The following CNTN1 variants were observed in gnomAD, a reference collection of about 807,000 sequenced individuals.
CNTN1 encodes contactin-1.
Under a neutral mutation model 126.4 loss-of-function variants are expected in CNTN1, and 38 were observed. That is an observed-to-expected ratio of 0.30 (90% CI 0.23 to 0.39). The LOEUF (loss-of-function observed/expected upper bound fraction) is 0.39. CNTN1 is among the 10% of genes least tolerant of loss of function. CNTN1 has a pLI of 1.00. For missense variants in CNTN1, 1,009 were observed against 1,248.4 expected (o/e 0.81, Z 2.89); for synonymous variants, 413 against 422.6 (o/e 0.98, Z 0.28).
intron 1 of CNTN1, among the ~76,000 whole-genome samples, chr12:40,743,310 A>G (rs998559359): frequency 1.3e-5 from 2 of 151,988 alleles, no homozygotes; most frequent in African/African-American, 4.8e-5. Context: ...TTGTGATGCT[A>G]TTGAGTTTGA....
Position 40,871,186 on chromosome 12 carries a change from GAAAA to G in CNTN1, c.-76-37146_-76-37143del, listed in dbSNP as rs201485882. Among the ~76,000 whole-genome samples, 3 of 113,554 alleles carry G rather than the reference GAAAA, an allele frequency of 2.6e-5. No individual in the cohort carries two copies. The East Asian group carries it at 1.2e-3, about 45-fold the overall frequency. 74.5% of individuals were successfully genotyped at this position (113,554 alleles called of 152,430 possible). ...AGTAGTGACTTGGATCTGTTACAGA[GAAAA>G]AAAAAAAAAAAAAAAAAAAAAAAAC... is the stretch of plus-strand genomic sequence containing the variant. On this transcript the variant is annotated intron_variant, in intron 1 of 23. Coordinates refer to ENST00000551295, the MANE Select transcript of CNTN1 (RefSeq NM_001843.4).
chr12:40,768,676 T>C (rs1291371427), intron 1 of CNTN1, among the ~76,000 whole-genome samples: 5 of 152,228 alleles, frequency 3.3e-5, no homozygotes, highest in Non-Finnish European at 5.9e-5. Context: ...ATTAGCATTC[T>C]TTCTGGCTGA....
At chr12:40,906,235 C>T (rs1002558113) in intron 1 of CNTN1, among the ~76,000 whole-genome samples, 6 of 152,254 alleles carry the variant, frequency 3.9e-5, no homozygotes, top group African/African-American at 1.4e-4. Flanking sequence ...TGCACCACTG[C>T]ACTCCAGACT....
At chr12:40,763,816 T>C (rs2136420489) in intron 1 of CNTN1, among the ~76,000 whole-genome samples, 1 of 152,324 alleles carries the variant, frequency 6.6e-6, no homozygotes, top group East Asian at 1.9e-4. Context: ...TCTTATTGGC[T>C]TCTAAGTACA....
intron 1 of CNTN1, among the ~76,000 whole-genome samples, chr12:40,699,040 G>A (rs1941529166): frequency 6.7e-6 from 1 of 149,796 alleles, no homozygotes; most frequent in East Asian, 2.0e-4. Context: ...ACCATTTCTT[G>A]GAGGACTTCC....
At chr12:40,856,126 G>A (rs1942898205) in intron 1 of CNTN1, among the ~76,000 whole-genome samples, 1 of 152,096 alleles carries the variant, frequency 6.6e-6, no homozygotes, top group African/African-American at 2.4e-5. Context: ...GCCTGCACTT[G>A]TGTCTGAAGA....
chr12:40,837,835 A>T (rs1486375476), intron 1 of CNTN1, among the ~76,000 whole-genome samples: 1 of 152,164 alleles, frequency 6.6e-6, no homozygotes, highest in South Asian at 2.1e-4. Context: ...TGAGACATGG[A>T]TGCCAGCTGG....
intron 14 of CNTN1, 76 bp from the exon 15 acceptor site, chr12:40,959,038 C>A: frequency 1.9e-6 from 3 of 1,587,114 alleles, no homozygotes; most frequent in Non-Finnish European, 2.6e-6. Context: ...GGGGAAAAAA[C>A]TACCTCTTGG....
intron 1 of CNTN1, among the ~76,000 whole-genome samples, chr12:40,876,638 T>C (rs1015044458): frequency 6.6e-6 from 1 of 152,144 alleles, no homozygotes; most frequent in African/African-American, 2.4e-5. Flanking sequence ...TATTCCATTA[T>C]TATTTAAAAA....
chr12:40,960,059 CCTT>C (rs1413593497), intron 15 of CNTN1, among the ~76,000 whole-genome samples: 2 of 152,036 alleles, frequency 1.3e-5, no homozygotes. Context: ...TCTTATTCAT[CCTT>C]CAAGTCTTAA....
intron 14 of CNTN1, among the ~76,000 whole-genome samples, chr12:40,947,648 AT>A (rs1227688787): frequency 2.0e-5 from 3 of 151,678 alleles, no homozygotes; most frequent in Non-Finnish European, 4.4e-5. Context: ...AATTTTTGAC[AT>A]TCACTTTGGG....
At chr12:40,851,115 C>CTTTT (rs1473867920) in intron 1 of CNTN1, among the ~76,000 whole-genome samples, 9 of 152,102 alleles carry the variant, frequency 5.9e-5, no homozygotes, top group Non-Finnish European at 1.2e-4. Context: ...AAATCAAGGA[C>CTTTT]TTTTCCAAAG....
chr12:40,787,736 C>T (rs1314172283), intron 1 of CNTN1, among the ~76,000 whole-genome samples: 1 of 151,946 alleles, frequency 6.6e-6, no homozygotes, highest in Non-Finnish European at 1.5e-5. Flanking sequence ...TTATTTTTTC[C>T]CAGAATTACA....
At chr12:40,907,432 T>A (rs1944871174) in intron 1 of CNTN1, among the ~76,000 whole-genome samples, 1 of 152,230 alleles carries the variant, frequency 6.6e-6, no homozygotes, top group Non-Finnish European at 1.5e-5. Context: ...CATAGCTACA[T>A]GCTTAGTCAC....
At chr12:40,874,432 CCTT>C (rs899995461) in intron 1 of CNTN1, among the ~76,000 whole-genome samples, 3 of 151,870 alleles carry the variant, frequency 2.0e-5, no homozygotes, top group African/African-American at 4.8e-5. Flanking sequence ...CAGTATTTAT[CCTT>C]CTTGTGCATG....
intron 1 of CNTN1, among the ~76,000 whole-genome samples, chr12:40,882,728 A>C (rs1226419464): frequency 6.6e-6 from 1 of 151,800 alleles, no homozygotes; most frequent in South Asian, 2.1e-4. Context: ...TTCTAAGCTT[A>C]ACATGAGTAT....
At chr12:40,819,146 A>G (rs1941359204) in intron 1 of CNTN1, among the ~76,000 whole-genome samples, 1 of 152,062 alleles carries the variant, frequency 6.6e-6, no homozygotes, top group African/African-American at 2.4e-5. Context: ...CCCCGGTTGG[A>G]GGGTCTCACT....
intron 1 of CNTN1, among the ~76,000 whole-genome samples, chr12:40,752,849 G>A (rs1592048977): frequency 6.6e-6 from 1 of 151,986 alleles, no homozygotes; most frequent in African/African-American, 2.4e-5. Context: ...TAAAACAAAC[G>A]GGTAATTAAG....
intron 1 of CNTN1, among the ~76,000 whole-genome samples, chr12:40,710,634 C>T (rs1565630692): frequency 6.6e-6 from 1 of 152,082 alleles, no homozygotes; most frequent in Admixed American, 6.6e-5. Flanking sequence ...GATAAATTTC[C>T]ACTGAATATG....
Sources: allele counts gnomAD v4.1 joint callset (sites outside exome capture counted in the v4.1 genomes callset), GRCh38; gene constraint gnomAD v4.1.1; transcripts MANE v1.5; gene names NCBI Gene and HGNC (gene_info 2026-07-23, HGNC 2026-07-21).